METTL15: variants seen among roughly 807,000 people sequenced by gnomAD.
METTL15 encodes the protein 12S rRNA N(4)-cytidine methyltransferase METTL15.
A neutral mutation model predicts 38.3 loss-of-function variants in METTL15; 34 were observed. The observed-to-expected ratio is 0.89, with a 90% CI of 0.68 to 1.18. The LOEUF (loss-of-function observed/expected upper bound fraction) is 1.18. Among genes scored for constraint, METTL15 ranks in the 50% most tolerant of loss-of-function variants. The probability of loss-of-function intolerance (pLI) is 0.00; values close to 1 mark genes in which losing one functional copy is unlikely to be tolerated. For synonymous variants in METTL15, 162 were observed against 170.9 expected, an observed-to-expected ratio of 0.95 and a Z score of 0.41; for missense variants, 438 against 498.4, an observed-to-expected ratio of 0.88 and a Z score of 1.15.
intron 4 of METTL15, among the ~76,000 whole-genome samples, chr11:28,274,611 C>G (rs1234016618): frequency 2.0e-5 from 3 of 151,960 alleles, no homozygotes; most frequent in African/African-American, 7.2e-5. Context: ...TTTTAAAATT[C>G]AAACCCCAGA....
At chr11:28,375,507 G>A (rs1028305662) in intron 5 of METTL15, among the ~76,000 whole-genome samples, 2 of 151,860 alleles carry the variant, frequency 1.3e-5, no homozygotes, top group Admixed American at 6.6e-5. Context: ...GGGATCGGTG[G>A]TAATATCCCC....
intron 3 of METTL15, among the ~76,000 whole-genome samples, chr11:28,157,851 G>A (rs903944449): frequency 2.6e-5 from 4 of 152,116 alleles, no homozygotes; most frequent in African/African-American, 7.2e-5. Context: ...AGTTGACAGC[G>A]GAAGAGAAGA....
Position 28,431,183 on chromosome 11 carries a change from C to T in METTL15, c.*424+6819C>T, listed in dbSNP as rs1343219994. 3.6e-5 allele frequency among the ~76,000 whole-genome samples: 4 copies of T among 111,378 alleles called. 1 individual carries two copies. Among genetic ancestry groups the T allele is most frequent in the Non-Finnish European group, 8.6e-5 (4 of 46,540 alleles). 73.1% of individuals were successfully genotyped at this position (111,378 alleles called of 152,430 possible). On this transcript the variant is annotated intron_variant and NMD_transcript_variant, in intron 6 of 7. Transcript: ENST00000532947. ...GGGGGTCAGCCCCCTGCCCGGCCAT[C>T]CGCCCCGTCCGGGAGGTGAGGGGCG...
chr11:28,319,047 G>T (rs1392273443), intron 6 of METTL15, among the ~76,000 whole-genome samples: 2 of 152,184 alleles, frequency 1.3e-5, no homozygotes, highest in Non-Finnish European at 2.9e-5. Flanking sequence ...AGCAGTTGCT[G>T]CCTTCACCAG....
chr11:28,242,553 G>A (rs1238335633), intron 4 of METTL15, among the ~76,000 whole-genome samples: 2 of 152,058 alleles, frequency 1.3e-5, no homozygotes, highest in Admixed American at 1.3e-4. Flanking sequence ...AAGTCATATG[G>A]TAGTTTCCTT....
chr11:28,339,523 A>G (rs1452337041), intron 3 of METTL15, among the ~76,000 whole-genome samples: 1 of 148,732 alleles, frequency 6.7e-6, no homozygotes, highest in African/African-American at 2.5e-5. Context: ...AATGAGACAT[A>G]AAGAGAATGC....
At chr11:28,502,876 G>C (rs1035141409) in intron 6 of METTL15, among the ~76,000 whole-genome samples, 1 of 151,894 alleles carries the variant, frequency 6.6e-6, no homozygotes, top group African/African-American at 2.4e-5. Flanking sequence ...GGTTTGGCGA[G>C]GAAAATCACT....
intron 4 of METTL15, among the ~76,000 whole-genome samples, chr11:28,269,731 A>AT (rs1388660955): frequency 5.3e-5 from 8 of 152,086 alleles, no homozygotes; most frequent in Non-Finnish European, 8.8e-5. Context: ...TAAAGACAGG[A>AT]TTTTCTCCTG....
chr11:28,279,914 C>CAAAA (rs57284585), intron 4 of METTL15, among the ~76,000 whole-genome samples: 9 of 81,614 alleles, frequency 1.1e-4, no homozygotes, highest in South Asian at 3.3e-4. Context: ...CAAAACAAAA[C>CAAAA]AAAAAAAAAA....
At chr11:28,348,968 C>G (rs1307873093) in intron 3 of METTL15, among the ~76,000 whole-genome samples, 1 of 152,074 alleles carries the variant, frequency 6.6e-6, no homozygotes, top group Non-Finnish European at 1.5e-5. Context: ...TTCAAGGAGT[C>G]TTTGTTCATT....
At chr11:28,137,970 C>G (rs1055167153) in intron 3 of METTL15, among the ~76,000 whole-genome samples, 2 of 152,090 alleles carry the variant, frequency 1.3e-5, no homozygotes, top group African/African-American at 4.8e-5. Flanking sequence ...AGATCATTGG[C>G]CTCAGGGTGG....
intron 5 of METTL15, among the ~76,000 whole-genome samples, chr11:28,371,315 T>G (rs1433335067): frequency 1.3e-5 from 2 of 152,110 alleles, no homozygotes; most frequent in Admixed American, 6.5e-5. Flanking sequence ...CTCGGCACCT[T>G]TGTGAAAAAT....
chr11:28,264,251 T>A (rs532169025), intron 4 of METTL15, among the ~76,000 whole-genome samples: 20 of 152,264 alleles, frequency 1.3e-4, no homozygotes, highest in African/African-American at 4.8e-4. Context: ...ATGTTACTAT[T>A]TATATTGCAA....
chr11:28,363,184 T>A (rs940881648), intron 5 of METTL15, among the ~76,000 whole-genome samples: 12 of 151,968 alleles, frequency 7.9e-5, no homozygotes, highest in Admixed American at 1.3e-4. Context: ...TTATTTTTTA[T>A]TTTTTTTGAG....
intron 6 of METTL15, among the ~76,000 whole-genome samples, chr11:28,317,120 CTT>C (rs778922537): frequency 2.0e-5 from 3 of 151,934 alleles, no homozygotes; most frequent in Non-Finnish European, 2.9e-5. Context: ...AAACTTATAA[CTT>C]TATTTTTTTT....
chr11:28,180,713 G>A (rs1472936128), intron 3 of METTL15, among the ~76,000 whole-genome samples: 3 of 151,824 alleles, frequency 2.0e-5, no homozygotes, highest in African/African-American at 7.2e-5. Context: ...TAGGAACAAG[G>A]TGATTTTGAT....
intron 4 of METTL15, among the ~76,000 whole-genome samples, chr11:28,221,075 T>C (rs1042250214): frequency 6.6e-6 from 1 of 152,142 alleles, no homozygotes; most frequent in Non-Finnish European, 1.5e-5. Context: ...CTTTGTGGTG[T>C]TCTCTGTGTT....
chr11:28,299,476 T>C (rs1007826699), intron 6 of METTL15, among the ~76,000 whole-genome samples: 1 of 152,138 alleles, frequency 6.6e-6, no homozygotes, highest in Non-Finnish European at 1.5e-5. Flanking sequence ...TTATGTAATA[T>C]GTAATTAAAT....
intron 6 of METTL15, among the ~76,000 whole-genome samples, chr11:28,308,496 GAC>G (rs765323315): frequency 1.1e-4 from 17 of 151,844 alleles, no homozygotes; most frequent in South Asian, 8.3e-4. Flanking sequence ...TTTTTTAATT[GAC>G]ACAGTTCCAC....
Sources: gnomAD v4.1 joint callset for allele counts (sites outside exome capture counted in the v4.1 genomes callset) on GRCh38, gnomAD v4.1.1 for gene constraint, MANE v1.5 for transcripts, NCBI Gene and HGNC (gene_info 2026-07-23, HGNC 2026-07-21) for gene names.